Variants in CDH18 observed in about 807,000 individuals in gnomAD.
CDH18 encodes the protein cadherin 18.
A neutral mutation model predicts 67.9 loss-of-function variants in CDH18; 31 were observed. The observed-to-expected ratio is 0.46, with a 90% CI of 0.34 to 0.62. The LOEUF is 0.62. Among genes scored for constraint, CDH18 ranks in the 20% least tolerant of loss-of-function variants. CDH18 has a pLI of 0.01. For synonymous variants in CDH18, 362 were observed against 347.2 expected, an observed-to-expected ratio of 1.04 and a Z score of -0.48; for missense variants, 890 against 975.5, an observed-to-expected ratio of 0.91 and a Z score of 1.17.
intron 1 of CDH18, among the ~76,000 whole-genome samples, chr5:20,376,241 C>T (rs1441339744): frequency 6.6e-6 from 1 of 150,944 alleles, no homozygotes; most frequent in Admixed American, 6.6e-5. Flanking sequence ...CTACAGGCGC[C>T]CGCCACCTCG....
Position 19,520,831 on chromosome 5 carries a change from C to T in CDH18, c.1391-53G>A, listed in dbSNP as rs747699143. The T allele has an allele frequency of 1.2e-5, 19 of 1,581,484 alleles. No individual in the cohort carries two copies. In the Middle Eastern group the frequency reaches 5.0e-4, roughly 42 times the overall value. On this transcript the variant is annotated intron_variant, in intron 9 of 12. Coordinates refer to ENST00000382275, the MANE Select transcript of CDH18 (RefSeq NM_004934.5). ...TATTTCCATGCACACTTTAGAGGCT[C>T]GGTTTAAAACAAATCTCTTTAATAC...
intron 1 of CDH18, among the ~76,000 whole-genome samples, chr5:20,534,829 G>GTATTTATTTATTTATT (rs3039357): frequency 0.016 from 2,376 of 148,090 alleles, 58 homozygotes; most frequent in African/African-American, 0.054. Flanking sequence ...CTAAATACAT[G>GTATTTATTTATTTATT]TATTTATTTA....
At chr5:19,553,506 A>G (rs1228334097) in intron 8 of CDH18, among the ~76,000 whole-genome samples, 1 of 151,950 alleles carries the variant, frequency 6.6e-6, no homozygotes, top group Admixed American at 6.5e-5. Flanking sequence ...TGAATGGTAA[A>G]GCAAATGTAT....
chr5:19,528,611 G>C (rs891178321), intron 9 of CDH18, among the ~76,000 whole-genome samples: 1 of 151,782 alleles, frequency 6.6e-6, no homozygotes, highest in African/African-American at 2.4e-5. Context: ...CAGATTTGTT[G>C]CTGTTCGGGG....
chr5:19,618,615 G>T (rs1246080039), intron 5 of CDH18, among the ~76,000 whole-genome samples: 1 of 152,066 alleles, frequency 6.6e-6, no homozygotes, highest in Non-Finnish European at 1.5e-5. Context: ...TGGGACATGT[G>T]GACCACTTAA....
At chr5:20,200,727 C>T (rs1033598082) in intron 2 of CDH18, among the ~76,000 whole-genome samples, 6 of 151,852 alleles carry the variant, frequency 4.0e-5, no homozygotes, top group East Asian at 1.9e-4. Flanking sequence ...GAAAAATTCC[C>T]AAGTCCCATG....
chr5:19,772,722 A>G (rs1235470328), intron 3 of CDH18, among the ~76,000 whole-genome samples: 1 of 152,208 alleles, frequency 6.6e-6, no homozygotes, highest in Non-Finnish European at 1.5e-5. Context: ...TATTGTTGTC[A>G]ATAAATTTGC....
In CDH18 at chr5:20,385,513, G is replaced by C. The variant is rs1385514831; in HGVS notation, c.-579-130008C>G. 2.6e-5 allele frequency among the ~76,000 whole-genome samples: 4 copies of C among 152,118 alleles called. No homozygotes were observed. The South Asian group carries it at 8.3e-4, about 32-fold the overall frequency. ...TCTCAGGAATCCTGATGCTAACTAG[G>C]ATCTTGGGTGTCACAGAATTTGCAA... On this transcript the variant is annotated intron_variant, in intron 1 of 14. Transcript: ENST00000507958.
At chr5:20,209,940 C>A (rs2126371262) in intron 2 of CDH18, among the ~76,000 whole-genome samples, 1 of 150,576 alleles carries the variant, frequency 6.6e-6, no homozygotes, top group Admixed American at 6.6e-5. Flanking sequence ...ACATGTACCC[C>A]CAAAATATTT....
At chr5:20,523,163 G>A (rs1419991899) in intron 1 of CDH18, among the ~76,000 whole-genome samples, 2 of 152,160 alleles carry the variant, frequency 1.3e-5, no homozygotes, top group East Asian at 1.9e-4. Flanking sequence ...CACTATCCAA[G>A]TGGTATGTTG....
chr5:19,511,883 C>G (rs423924), intron 10 of CDH18, among the ~76,000 whole-genome samples: 1 of 151,962 alleles, frequency 6.6e-6, no homozygotes, highest in Admixed American at 6.6e-5. Flanking sequence ...GTGTAAGTAT[C>G]GAGGAGCCAA....
chr5:20,061,737 A>C (rs1022203005), intron 2 of CDH18, among the ~76,000 whole-genome samples: 1 of 152,208 alleles, frequency 6.6e-6, no homozygotes, highest in African/African-American at 2.4e-5. Context: ...ATCCACATCC[A>C]TCTTACAAAG....
intron 11 of CDH18, among the ~76,000 whole-genome samples, chr5:19,496,406 T>C (rs1223082820): frequency 6.6e-6 from 1 of 152,168 alleles, no homozygotes; most frequent in Non-Finnish European, 1.5e-5. Flanking sequence ...CCGTCCCAAA[T>C]TCATGTGTTG....
At chr5:19,549,421 C>G (rs1403643624) in intron 8 of CDH18, among the ~76,000 whole-genome samples, 1 of 152,070 alleles carries the variant, frequency 6.6e-6, no homozygotes, top group Admixed American at 6.6e-5. Context: ...GAATCATGAG[C>G]CAATTAACCT....
At chr5:20,311,521 C>A (rs995269836) in intron 1 of CDH18, among the ~76,000 whole-genome samples, 1 of 152,120 alleles carries the variant, frequency 6.6e-6, no homozygotes, top group African/African-American at 2.4e-5. Context: ...TGGAAACCGT[C>A]CTTCTCAGCA....
chr5:20,445,907 C>G (rs550324570), intron 1 of CDH18, among the ~76,000 whole-genome samples: 1 of 151,890 alleles, frequency 6.6e-6, no homozygotes, highest in South Asian at 2.1e-4. Flanking sequence ...CTGATTTCTG[C>G]GAAGTGAAAT....
intron 2 of CDH18, among the ~76,000 whole-genome samples, chr5:20,067,024 A>T (rs1226724637): frequency 3.3e-5 from 5 of 151,932 alleles, no homozygotes; most frequent in African/African-American, 1.2e-4. Flanking sequence ...AAAAAACAAC[A>T]GTAAAAAATA....
At chr5:20,016,106 T>C (rs1280975536) in intron 2 of CDH18, among the ~76,000 whole-genome samples, 3 of 152,224 alleles carry the variant, frequency 2.0e-5, no homozygotes, top group South Asian at 2.1e-4. Flanking sequence ...ATGTGGTACT[T>C]ATACACCATA....
intron 11 of CDH18, among the ~76,000 whole-genome samples, chr5:19,490,394 G>GGTTTTTTTTTTT (rs1741223437): frequency 1.0e-4 from 6 of 60,208 alleles, no homozygotes; most frequent in African/African-American, 4.0e-4. Flanking sequence ...ATAAAAATCT[G>GGTTTTTTTTTTT]TTTTTTTTTT....
Sources: gnomAD v4.1 joint callset for allele counts (sites outside exome capture counted in the v4.1 genomes callset) on GRCh38, gnomAD v4.1.1 for gene constraint, MANE v1.5 for transcripts, NCBI Gene and HGNC (gene_info 2026-07-23, HGNC 2026-07-21) for gene names.